RBFOX1: variants seen among roughly 807,000 people sequenced by gnomAD.
RBFOX1 encodes the protein RNA binding fox-1 homolog 1, also known as RNA binding protein fox-1 homolog 1.
RBFOX1 carries 8 observed loss-of-function variants against 57.7 expected under a neutral mutation model. The observed-to-expected ratio is 0.14, with a 90% CI of 0.08 to 0.25. RBFOX1 has a LOEUF of 0.25. RBFOX1 is among the 10% of genes least tolerant of loss of function. The pLI is 1.00. For missense variants in RBFOX1, 611 were observed against 548.5 expected, an observed-to-expected ratio of 1.11 and a Z score of -1.14; for synonymous variants, 326 against 222.4, an observed-to-expected ratio of 1.47 and a Z score of -4.15.
chr16:6,867,500 C>A (rs59438558), intron 3 of RBFOX1, among the ~76,000 whole-genome samples: 1 of 151,966 alleles, frequency 6.6e-6, no homozygotes, highest in Admixed American at 6.6e-5. Flanking sequence ...AGGCGGATCA[C>A]TTGAGGTCAG....
intron 4 of RBFOX1, among the ~76,000 whole-genome samples, chr16:7,330,509 TTTG>T (rs2096673184): frequency 1.5e-5 from 1 of 65,928 alleles, no homozygotes; most frequent in Non-Finnish European, 3.0e-5. Flanking sequence ...TGTGTGTGTG[TTTG>T]TGTGTGTGTG....
chr16:5,484,305 G>C (rs796417621), intron 2 of RBFOX1, among the ~76,000 whole-genome samples: 3 of 152,280 alleles, frequency 2.0e-5, no homozygotes, highest in African/African-American at 7.2e-5. Flanking sequence ...CTGTCATTTG[G>C]AGATACTAGT....
intron 5 of RBFOX1, among the ~76,000 whole-genome samples, chr16:7,542,839 A>G (rs1375827835): frequency 1.7e-5 from 1 of 59,106 alleles, no homozygotes; most frequent in African/African-American, 5.5e-5. Context: ...AACAGAGGGG[A>G]GAGAGAAGGA....
At chr16:6,637,950 G>C (rs1413225307) in intron 2 of RBFOX1, among the ~76,000 whole-genome samples, 6 of 152,076 alleles carry the variant, frequency 3.9e-5, no homozygotes, top group Non-Finnish European at 8.8e-5. Flanking sequence ...CTGTGCTTCA[G>C]TATATTAGCC....
chr16:5,376,264 C>T (rs762512337), intron 1 of RBFOX1, among the ~76,000 whole-genome samples: 34 of 152,140 alleles, frequency 2.2e-4, no homozygotes, highest in Middle Eastern at 3.4e-3. Flanking sequence ...ATTCTGAGAG[C>T]ATGCGCGGAA....
intron 4 of RBFOX1, among the ~76,000 whole-genome samples, chr16:7,228,165 C>T (rs1442582978): frequency 6.6e-6 from 1 of 152,200 alleles, no homozygotes; most frequent in Non-Finnish European, 1.5e-5. Context: ...CGAGAGCAGG[C>T]ATTGTGTCTG....
intron 1 of RBFOX1, among the ~76,000 whole-genome samples, chr16:6,198,087 AC>A (rs1329045834): frequency 1.3e-5 from 2 of 152,188 alleles, no homozygotes; most frequent in Non-Finnish European, 2.9e-5. Flanking sequence ...TAACTTGTCT[AC>A]ATATTCACCT....
At chr16:7,042,969 T>A (rs1466773038) in intron 3 of RBFOX1, among the ~76,000 whole-genome samples, 2 of 152,190 alleles carry the variant, frequency 1.3e-5, no homozygotes, top group Non-Finnish European at 2.9e-5. Flanking sequence ...ATTACTTTCC[T>A]AGCAGCATAG....
intron 4 of RBFOX1, among the ~76,000 whole-genome samples, chr16:7,163,243 C>T (rs903685010): frequency 6.6e-6 from 1 of 152,182 alleles, no homozygotes; most frequent in Admixed American, 6.5e-5. Context: ...TTTCTTTTGA[C>T]TATTACGTTG....
At chr16:6,964,112 G>A (rs2083584274) in intron 3 of RBFOX1, among the ~76,000 whole-genome samples, 4 of 152,020 alleles carry the variant, frequency 2.6e-5, no homozygotes, top group South Asian at 4.2e-4. Context: ...TCCGCCTCCC[G>A]AATCAAGCGA....
At position 6,400,128 on chromosome 16, in the gene RBFOX1, A is replaced by G. The variant is rs77962591; in HGVS notation, c.-64+83071A>G. ...ACTTGACCTATGACATTTATAGAAT[A>G]ATGTATCCAACAACTACAGCATGCA... On this transcript the variant is annotated intron_variant, in intron 2 of 15. Transcript: ENST00000550418. Among the ~76,000 whole-genome samples the G allele has an allele frequency of 8.4e-3, 1,273 of 152,322 alleles. 18 individuals carry two copies. Among genetic ancestry groups the G allele is most frequent in the African/African-American group, 0.029 (1,215 of 41,560 alleles).
chr16:5,508,691 C>G (rs28490374), intron 2 of RBFOX1, among the ~76,000 whole-genome samples: 16,891 of 151,692 alleles, frequency 0.11, 2,394 homozygotes, highest in African/African-American at 0.33. Flanking sequence ...CTGCACAGAG[C>G]GATTGCACAG....
chr16:5,474,339 T>C (rs888570305), intron 2 of RBFOX1, among the ~76,000 whole-genome samples: 1 of 152,210 alleles, frequency 6.6e-6, no homozygotes, highest in Non-Finnish European at 1.5e-5. Context: ...CTTAACTTGT[T>C]CATTAATGTG....
chr16:5,763,313 C>T (rs1158388348), intron 3 of RBFOX1, among the ~76,000 whole-genome samples: 1 of 152,176 alleles, frequency 6.6e-6, no homozygotes, highest in Non-Finnish European at 1.5e-5. Context: ...CACACAAGAG[C>T]GCTCCTTTGT....
At chr16:7,159,438 G>A (rs1167946872) in intron 4 of RBFOX1, among the ~76,000 whole-genome samples, 3 of 152,104 alleles carry the variant, frequency 2.0e-5, no homozygotes, top group Non-Finnish European at 2.9e-5. Flanking sequence ...TGTCACTCTA[G>A]AGATCAGTAT....
At chr16:6,265,681 C>G (rs902031450) in intron 1 of RBFOX1, among the ~76,000 whole-genome samples, 6 of 152,188 alleles carry the variant, frequency 3.9e-5, no homozygotes, top group Non-Finnish European at 5.9e-5. Context: ...ACCAAATTAG[C>G]TTTGGTGCAC....
At chr16:7,008,540 A>G (rs2093432011) in intron 3 of RBFOX1, among the ~76,000 whole-genome samples, 1 of 150,876 alleles carries the variant, frequency 6.6e-6, no homozygotes, top group Non-Finnish European at 1.5e-5. Flanking sequence ...ACTTTGTCTC[A>G]AAAAAAAAGT....
chr16:6,767,372 A>G (rs1051271518), intron 3 of RBFOX1, among the ~76,000 whole-genome samples: 3 of 152,034 alleles, frequency 2.0e-5, no homozygotes, highest in African/African-American at 7.2e-5. Flanking sequence ...AATGTGGCCA[A>G]CCTCCTAGAA....
chr16:6,341,560 G>T (rs558513736), intron 2 of RBFOX1, among the ~76,000 whole-genome samples: 1 of 152,080 alleles, frequency 6.6e-6, no homozygotes, highest in African/African-American at 2.4e-5. Context: ...TTGCTTTAAA[G>T]ATAATAATGC....
Sources: allele counts gnomAD v4.1 joint callset (sites outside exome capture counted in the v4.1 genomes callset), GRCh38; gene constraint gnomAD v4.1.1; transcripts MANE v1.5; gene names NCBI Gene and HGNC (gene_info 2026-07-23, HGNC 2026-07-21).